UTS2: variants seen among roughly 807,000 people sequenced by gnomAD.
UTS2 encodes urotensin-2.
Under a neutral mutation model 12.6 loss-of-function variants are expected in UTS2, and 10 were observed. That is an observed-to-expected ratio of 0.80 (90% confidence interval 0.49 to 1.35). UTS2 has a LOEUF of 1.35. Ranked by LOEUF, UTS2 falls within the 40% of genes most tolerant of loss-of-function variation. The pLI is 0.00. For missense variants in UTS2, 142 were observed against 143.2 expected (o/e 0.99, Z 0.04); for synonymous variants, 52 against 50.0 (o/e 1.04, Z -0.17).
Position 7,853,039 on chromosome 1 carries a change from C to G in UTS2, c.-36G>C. On this transcript the variant is annotated 5_prime_UTR_variant, in exon 1 of 4. Coordinates refer to ENST00000361696, the MANE Select transcript of UTS2 (RefSeq NM_006786.4). The stretch of plus-strand genomic sequence containing the variant: ...AGATAGACGGCTTCCTTCTTGGCTT[C>G]TGTTGTAGAGAACTTTCAACTGTCT... The G allele has an allele frequency of 6.3e-7, 1 of 1,594,228 alleles. No individual in the cohort carries two copies. The highest frequency in any genetic ancestry group is 8.5e-7 in the Non-Finnish European group (1 of 1,173,456).
chr1:7,877,141 A>AC, the UTS2 span, among the ~76,000 whole-genome samples: 1 of 55,086 alleles, frequency 1.8e-5, no homozygotes, highest in African/African-American at 6.6e-5. Context: ...AAAAAAAAAA[A>AC]AGAAAAAAAA....
chr1:7,868,120 C>T, the UTS2 span, among the ~76,000 whole-genome samples: 1 of 61,020 alleles, frequency 1.6e-5, no homozygotes, highest in Non-Finnish European at 3.4e-5. Context: ...ACAGTTCTGC[C>T]GGCACATCAC....
At chr1:7,873,593 C>T in the UTS2 span, among the ~76,000 whole-genome samples, 4 of 152,178 alleles carry the variant, frequency 2.6e-5, no homozygotes, top group East Asian at 1.9e-4. Flanking sequence ...AAGTGGAATC[C>T]GAAGATGTGA....
At chr1:7,864,065 G>T in the UTS2 span, among the ~76,000 whole-genome samples, 2 of 152,266 alleles carry the variant, frequency 1.3e-5, no homozygotes, top group African/African-American at 4.8e-5. Context: ...GCCGTCTCCA[G>T]GTCACAGCGA....
chr1:7,864,665 G>C, the UTS2 span, among the ~76,000 whole-genome samples: 3 of 152,148 alleles, frequency 2.0e-5, no homozygotes, highest in Non-Finnish European at 4.4e-5. Flanking sequence ...ATCATGTACT[G>C]TCCCCCTAAA....
chr1:7,908,440 G>A, the UTS2 span, among the ~76,000 whole-genome samples: 4 of 134,930 alleles, frequency 3.0e-5, no homozygotes, highest in African/African-American at 9.3e-5. Context: ...CGGCCTGGGC[G>A]ACAGAGTGAG....
chr1:7,887,787 C>CT, the UTS2 span, among the ~76,000 whole-genome samples: 4 of 149,334 alleles, frequency 2.7e-5, no homozygotes, highest in African/African-American at 7.4e-5. Flanking sequence ...AAGATTAAAT[C>CT]TTTTTTTAAT....
the UTS2 span, among the ~76,000 whole-genome samples, chr1:7,897,501 T>A: frequency 1.9e-4 from 29 of 152,356 alleles, 1 homozygote; most frequent in East Asian, 5.4e-3. Flanking sequence ...GAGAAAGATA[T>A]CTTTACAATA....
the UTS2 span, among the ~76,000 whole-genome samples, chr1:7,888,849 G>A: frequency 2.6e-5 from 4 of 152,162 alleles, no homozygotes; most frequent in African/African-American, 4.8e-5. Flanking sequence ...GTGGATGTGA[G>A]TAGATCCATG....
the UTS2 span, among the ~76,000 whole-genome samples, chr1:7,888,912 A>G: frequency 6.6e-6 from 1 of 152,132 alleles, no homozygotes; most frequent in African/African-American, 2.4e-5. Context: ...CCAACCAACT[A>G]TGGGCTCTTA....
chr1:7,894,363 G>A, the UTS2 span, among the ~76,000 whole-genome samples: 2 of 151,604 alleles, frequency 1.3e-5, no homozygotes, highest in African/African-American at 2.4e-5. Flanking sequence ...TTGTAGAGAC[G>A]GGGTCGCATC....
In UTS2 at chr1:7,850,833, C is replaced by T. The variant is rs752566569; in HGVS notation, c.193G>A (p.Gly65Arg). 4 of 1,614,072 alleles carry T rather than the reference C, an allele frequency of 2.5e-6. No individual in the cohort carries two copies. The African/African-American group carries it at 4.0e-5, about 16-fold the overall frequency. Residue 65 changes from glycine (G) to arginine (R), a missense_variant, in exon 2 of 4, where the codon GGG becomes AGG. By Grantham distance (125) the Gly-to-Arg change is moderately radical. Coordinates refer to ENST00000361696, the MANE Select transcript of UTS2 (RefSeq NM_006786.4). ...TTACCTGCTTTCCTGAGAATATCCC[C>T]TCTTTCTGCACCCAGCATCTCTGGC... Reference protein sequence around the residue: ...ILPEMLGAERGDILRKADSST... With the variant: ...ILPEMLGAERRDILRKADSST...
Position 7,852,884 on chromosome 1 carries a change from G to GA in UTS2, c.103+16dup, listed in dbSNP as rs746652121. On this transcript the variant is annotated intron_variant, in intron 1 of 3. Transcript: ENST00000361696. Reference sequence around the variant, plus strand: ...GGCTCTTTCAAGACTAACATAAGGGGAAAAAAAAAATCTTACCTGAGAGTT... The same window carrying GA: ...GGCTCTTTCAAGACTAACATAAGGGGAAAAAAAAAAATCTTACCTGAGAGTT... 7.5e-4 allele frequency: 1,121 copies of GA among 1,504,562 alleles called. No individual in the cohort carries two copies. The highest frequency in any genetic ancestry group is 2.6e-3 in the East Asian group (108 of 40,884). The allele number at this position is 1,504,562 out of a possible 1,614,324, so 93.2% of individuals were successfully genotyped here. A position where few individuals can be genotyped will look rare whatever the true frequency, so the allele number is the denominator to read the frequency against.
At chr1:7,863,036 TTGTATTGTATTGTATTG>T in the UTS2 span, among the ~76,000 whole-genome samples, 581 of 33,002 alleles carry the variant, frequency 0.018, 17 homozygotes, top group Middle Eastern at 0.026. Context: ...TTGTATTGTA[TTGTATTGTATTGTATTG>T]TATTGTATTG....
chr1:7,848,535 T>C (rs938323878), intron 3 of UTS2, among the ~76,000 whole-genome samples: 1 of 152,126 alleles, frequency 6.6e-6, no homozygotes, highest in East Asian at 1.9e-4. Flanking sequence ...TATTGTATTC[T>C]TTTGAGATGG....
At chr1:7,902,463 C>T in the UTS2 span, among the ~76,000 whole-genome samples, 3 of 152,136 alleles carry the variant, frequency 2.0e-5, no homozygotes, top group South Asian at 2.1e-4. Context: ...GTCGTCAGTG[C>T]GGCTTTTTCT....
the UTS2 span, among the ~76,000 whole-genome samples, chr1:7,878,007 G>A: frequency 6.6e-6 from 1 of 152,186 alleles, no homozygotes; most frequent in Non-Finnish European, 1.5e-5. Flanking sequence ...TAGTTAAACT[G>A]TCAAAAGTCA....
intron 2 of UTS2, 46 bp downstream of exon 2, chr1:7,850,766 A>G (rs780441020): frequency 1.3e-6 from 2 of 1,576,784 alleles, no homozygotes; most frequent in African/African-American, 2.7e-5. Context: ...CGGTAAGTTC[A>G]GTAGCAATTA....
At chr1:7,912,436 A>G in the UTS2 span, among the ~76,000 whole-genome samples, 1 of 143,762 alleles carries the variant, frequency 7.0e-6, no homozygotes, top group Non-Finnish European at 1.5e-5. Flanking sequence ...GGAACTTTAT[A>G]ACACGCAAAT....
Sources: allele counts gnomAD v4.1 joint callset (sites outside exome capture counted in the v4.1 genomes callset), GRCh38; gene constraint gnomAD v4.1.1; transcripts MANE v1.5; gene names NCBI Gene and HGNC (gene_info 2026-07-23, HGNC 2026-07-21).